EYS: variants seen among roughly 807,000 people sequenced by gnomAD.
The protein encoded by EYS is protein eyes shut homolog.
EYS carries 250 observed loss-of-function variants against 282.1 expected under a neutral mutation model. The ratio of observed to expected loss-of-function variants is 0.89; its 90% CI spans 0.80 to 0.98. The LOEUF (loss-of-function observed/expected upper bound fraction) is 0.98. EYS is among the 50% of genes least tolerant of loss of function. The probability of loss-of-function intolerance (pLI) is 0.00; values close to 1 mark genes in which losing one functional copy is unlikely to be tolerated. For missense variants in EYS, 4,016 were observed against 3,709.0 expected, an observed-to-expected ratio of 1.08 and a Z score of -2.15; for synonymous variants, 1,355 against 1,282.9, an observed-to-expected ratio of 1.06 and a Z score of -1.20.
At chr6:64,763,049 A>G (rs931951099) in intron 22 of EYS, among the ~76,000 whole-genome samples, 2 of 152,202 alleles carry the variant, frequency 1.3e-5, no homozygotes, top group Non-Finnish European at 2.9e-5. Flanking sequence ...AAAACAGGGT[A>G]TTGGATTGCT....
In EYS at chr6:64,219,742, T is replaced by C. The variant is rs140710673; in HGVS notation, c.6424+10850A>G. Among the ~76,000 whole-genome samples, 472 of 152,368 alleles carry C rather than the reference T, an allele frequency of 3.1e-3. 4 individuals carry two copies. Among genetic ancestry groups the C allele is most frequent in the African/African-American group, 0.011 (442 of 41,590 alleles). On this transcript the variant is annotated intron_variant, in intron 31 of 42. Transcript: ENST00000503581. ...ATCGCCATTGCGCATGTATGTTTACTGTGCCACTATTCACAATAGCAAAGA... is the reference window on the plus strand; with the variant it reads ...ATCGCCATTGCGCATGTATGTTTACCGTGCCACTATTCACAATAGCAAAGA...
chr6:64,159,559 TAAAAAAAAA>T (rs35139594), intron 31 of EYS, among the ~76,000 whole-genome samples: 2 of 59,938 alleles, frequency 3.3e-5, no homozygotes, highest in African/African-American at 6.1e-5. Flanking sequence ...GACTCTGTCT[TAAAAAAAAA>T]AAAAAAAAAA....
At chr6:64,743,745 C>T (rs372840500) in intron 22 of EYS, among the ~76,000 whole-genome samples, 2 of 152,034 alleles carry the variant, frequency 1.3e-5, no homozygotes, top group East Asian at 3.9e-4. Flanking sequence ...GAAATACTAT[C>T]ACATTACATA....
intron 29 of EYS, among the ~76,000 whole-genome samples, chr6:64,346,091 T>A (rs1771380069): frequency 1.3e-5 from 2 of 152,050 alleles, no homozygotes; most frequent in Admixed American, 1.3e-4. Context: ...GGAACACTTG[T>A]ACACTGTTGG....
At chr6:64,847,285 G>A (rs1583218456) in intron 19 of EYS, among the ~76,000 whole-genome samples, 1 of 149,744 alleles carries the variant, frequency 6.7e-6, no homozygotes, top group African/African-American at 2.4e-5. Flanking sequence ...TGTATATTAT[G>A]TGTGTGTGTG....
At chr6:64,532,230 T>TA (rs1341348439) in intron 26 of EYS, among the ~76,000 whole-genome samples, 2 of 152,156 alleles carry the variant, frequency 1.3e-5, no homozygotes, top group Non-Finnish European at 2.9e-5. Flanking sequence ...GCAAAATATT[T>TA]AAAAAATTGG....
At chr6:64,883,238 T>C (rs1330583192) in intron 19 of EYS, among the ~76,000 whole-genome samples, 2 of 151,448 alleles carry the variant, frequency 1.3e-5, no homozygotes, top group Admixed American at 6.6e-5. Context: ...GCAGAAAATA[T>C]TATAACTGAA....
At chr6:64,110,658 G>A (rs1406245756) in intron 31 of EYS, among the ~76,000 whole-genome samples, 1 of 151,916 alleles carries the variant, frequency 6.6e-6, no homozygotes, top group East Asian at 1.9e-4. Context: ...ATGTATATAT[G>A]CCACATTTTT....
At chr6:65,172,095 G>A (rs1359510701) in intron 12 of EYS, among the ~76,000 whole-genome samples, 1 of 151,084 alleles carries the variant, frequency 6.6e-6, no homozygotes, top group Non-Finnish European at 1.5e-5. Context: ...TTTAAGCAGG[G>A]TCTCCCTCTT....
chr6:65,190,763 G>A (rs1394975631), intron 12 of EYS, among the ~76,000 whole-genome samples: 4 of 151,650 alleles, frequency 2.6e-5, no homozygotes, highest in Non-Finnish European at 4.4e-5. Flanking sequence ...AATATAATGT[G>A]TATTTTCTAA....
At chr6:64,133,064 G>A (rs1210319629) in intron 31 of EYS, among the ~76,000 whole-genome samples, 1 of 151,864 alleles carries the variant, frequency 6.6e-6, no homozygotes, top group Non-Finnish European at 1.5e-5. Context: ...TCCTATAAAT[G>A]TTTCATACTA....
chr6:65,698,769 C>G (rs1055305909), intron 1 of EYS, among the ~76,000 whole-genome samples: 6 of 152,140 alleles, frequency 3.9e-5, no homozygotes, highest in Admixed American at 2.6e-4. Context: ...TACTAAAATT[C>G]TACAACTTTG....
chr6:65,390,309 T>C (rs1219519820), intron 7 of EYS, among the ~76,000 whole-genome samples: 1 of 144,552 alleles, frequency 6.9e-6, no homozygotes, highest in Non-Finnish European at 1.5e-5. Context: ...AAACATTTAG[T>C]AAAGGATAAG....
chr6:63,920,602 A>C (rs1764542925), intron 35 of EYS, among the ~76,000 whole-genome samples: 2 of 152,220 alleles, frequency 1.3e-5, no homozygotes, highest in Admixed American at 6.5e-5. Context: ...AACAGGTGTG[A>C]AAATAAAATT....
intron 20 of EYS, among the ~76,000 whole-genome samples, 174 bp downstream of exon 20, chr6:64,822,477 C>T (rs530566951): frequency 1.3e-5 from 2 of 152,056 alleles, no homozygotes; most frequent in South Asian, 2.1e-4. Context: ...GATAATGTAT[C>T]AGTACATTGC....
intron 29 of EYS, among the ~76,000 whole-genome samples, chr6:64,315,525 G>T (rs1582585503): frequency 6.6e-6 from 1 of 150,502 alleles, no homozygotes; most frequent in Non-Finnish European, 1.5e-5. Context: ...TCAATAAAAT[G>T]CTGGCAAACC....
At chr6:64,944,219 C>A (rs781557604) in intron 15 of EYS, among the ~76,000 whole-genome samples, 1 of 151,838 alleles carries the variant, frequency 6.6e-6, no homozygotes, top group Non-Finnish European at 1.5e-5. Context: ...GAAAAGTAAC[C>A]CAGGATGGAC....
At chr6:63,978,080 C>A (rs1469413749) in intron 35 of EYS, among the ~76,000 whole-genome samples, 1 of 151,850 alleles carries the variant, frequency 6.6e-6, no homozygotes, top group South Asian at 2.1e-4. Flanking sequence ...AAAGTGGAGA[C>A]CAACAGAGTA....
At chr6:64,610,689 C>A (rs1173314918) in intron 24 of EYS, among the ~76,000 whole-genome samples, 4 of 152,138 alleles carry the variant, frequency 2.6e-5, no homozygotes, top group Non-Finnish European at 5.9e-5. Flanking sequence ...CAGGCATGAG[C>A]CACTGCAACA....
Sources: gnomAD v4.1 joint callset for allele counts (sites outside exome capture counted in the v4.1 genomes callset) on GRCh38, gnomAD v4.1.1 for gene constraint, MANE v1.5 for transcripts, NCBI Gene and HGNC (gene_info 2026-07-23, HGNC 2026-07-21) for gene names.